Variants in TRIQK observed in about 807,000 individuals in gnomAD.
The protein encoded by TRIQK is triple QxxK/R motif containing, also known as triple QxxK/R motif-containing protein.
In TRIQK, 10 loss-of-function variants were observed where a neutral mutation model predicts 10.8. That is an observed-to-expected ratio of 0.92 (90% CI 0.57 to 1.57). The LOEUF (loss-of-function observed/expected upper bound fraction) is 1.57. Ranked by LOEUF, TRIQK falls within the 40% of genes most tolerant of loss-of-function variation. The pLI is 0.00. For missense variants in TRIQK, 107 were observed against 97.7 expected (o/e 1.09, Z -0.40); for synonymous variants, 33 against 33.7 (o/e 0.98, Z 0.07).
intron 3 of TRIQK, among the ~76,000 whole-genome samples, chr8:92,898,873 A>ATATATATATATATG (rs60191958): frequency 1.7e-5 from 2 of 120,728 alleles, no homozygotes; most frequent in Admixed American, 8.8e-5. Flanking sequence ...ATATATATAT[A>ATATATATATATATG]GATGGGGGTA....
intron 1 of TRIQK, among the ~76,000 whole-genome samples, chr8:92,995,402 C>T (rs770086686): frequency 1.9e-4 from 29 of 151,746 alleles, no homozygotes; most frequent in Admixed American, 5.9e-4. Flanking sequence ...GTTTTTATTC[C>T]CCATCTACCC....
rs558891377 is a variant in TRIQK at position 92,946,783 on chromosome 8, T to C, written c.-22+7623A>G. On this transcript the variant is annotated intron_variant, in intron 2 of 4. Coordinates refer to ENST00000521988, the MANE Select transcript of TRIQK (RefSeq NM_001171797.2). ...TTTACTTTTTTTTTTTTTTCTGAGA[T>C]GGAGTCTCGCTCTGTCGCCCAGGCT... 1.6e-3 allele frequency among the ~76,000 whole-genome samples: 242 copies of C among 150,648 alleles called. 2 individuals are homozygous for C. The highest frequency in any genetic ancestry group is 5.5e-3 in the African/African-American group (225 of 41,134).
intron 2 of TRIQK, among the ~76,000 whole-genome samples, chr8:92,946,712 T>C (rs1811550156): frequency 6.6e-6 from 1 of 151,966 alleles, no homozygotes; most frequent in Admixed American, 6.5e-5. Context: ...TATTTCTCCT[T>C]TATGTGTCAT....
intron 1 of TRIQK, among the ~76,000 whole-genome samples, chr8:93,011,254 C>T (rs1038731599): frequency 6.6e-6 from 1 of 151,146 alleles, no homozygotes; most frequent in Non-Finnish European, 1.5e-5. Flanking sequence ...CATTTAATTA[C>T]AGTACTGACT....
chr8:92,918,403 T>C (rs561361495), intron 2 of TRIQK, among the ~76,000 whole-genome samples: 4 of 152,154 alleles, frequency 2.6e-5, no homozygotes, highest in African/African-American at 9.6e-5. Context: ...TTTGCCTTTC[T>C]GATAGCAGCC....
intron 3 of TRIQK, among the ~76,000 whole-genome samples, chr8:92,912,313 C>A (rs1471900649): frequency 6.6e-6 from 1 of 151,300 alleles, no homozygotes; most frequent in Non-Finnish European, 1.5e-5. Flanking sequence ...AAACAAGGAA[C>A]CCATGAACAA....
At chr8:92,987,789 A>G (rs868327450) in intron 1 of TRIQK, among the ~76,000 whole-genome samples, 1 of 152,096 alleles carries the variant, frequency 6.6e-6, no homozygotes, top group African/African-American at 2.4e-5. Context: ...TTTTTGAAGA[A>G]TATTTAAAAA....
intron 4 of TRIQK, among the ~76,000 whole-genome samples, chr8:92,889,847 T>C (rs1256043494): frequency 2.0e-5 from 3 of 151,720 alleles, no homozygotes; most frequent in Non-Finnish European, 4.4e-5. Flanking sequence ...TAGGCCTCCT[T>C]ATCCTGAGCT....
intron 1 of TRIQK, among the ~76,000 whole-genome samples, chr8:93,005,097 T>G (rs1813254650): frequency 6.6e-6 from 1 of 152,232 alleles, no homozygotes; most frequent in Non-Finnish European, 1.5e-5. Flanking sequence ...TTTTCTGGAT[T>G]AGTCCTTTTT....
At chr8:92,973,663 T>G (rs901245487) in intron 1 of TRIQK, 2 of 152,126 alleles carry the variant, frequency 1.3e-5, no homozygotes, top group African/African-American at 4.8e-5. Flanking sequence ...AAATTTTTGG[T>G]GCAAAGTGGG....
intron 3 of TRIQK, among the ~76,000 whole-genome samples, chr8:92,913,137 T>C (rs551234738): frequency 7.9e-5 from 12 of 152,214 alleles, no homozygotes; most frequent in Admixed American, 6.5e-4. Context: ...CCCTGGGCTA[T>C]AAGGATGGTT....
At chr8:92,966,460 C>T (rs918637322), upstream of TRIQK, among the ~76,000 whole-genome samples, 3 of 152,154 alleles carry the variant, frequency 2.0e-5, no homozygotes, top group African/African-American at 4.8e-5. Flanking sequence ...TGGAAGGGCG[C>T]ACTGTCTGTG....
At chr8:92,972,402 G>A (rs62520821) in intron 1 of TRIQK, among the ~76,000 whole-genome samples, 15,388 of 151,894 alleles carry the variant, frequency 0.1, 1,833 homozygotes, top group African/African-American at 0.28. Context: ...TGCTTCTAAT[G>A]GTTCTTTAGC....
At chr8:92,916,732 G>C (rs540970814) in intron 3 of TRIQK, among the ~76,000 whole-genome samples, 197 bp downstream of exon 3, 1 of 151,812 alleles carries the variant, frequency 6.6e-6, no homozygotes, top group Non-Finnish European at 1.5e-5. Flanking sequence ...CTGAAAAATC[G>C]TAAGTACATG....
At chr8:92,985,665 C>T (rs2130746507) in intron 1 of TRIQK, among the ~76,000 whole-genome samples, 1 of 152,230 alleles carries the variant, frequency 6.6e-6, no homozygotes, top group East Asian at 1.9e-4. Flanking sequence ...GTCATAAAAC[C>T]TCTGGTAAAC....
rs902350648 is a variant in TRIQK, at chr8:92,885,387, T to A, written c.*1235A>T. 1 of 180,140 alleles carries A rather than the reference T, an allele frequency of 5.6e-6. No homozygotes were observed. Among genetic ancestry groups the A allele is most frequent in the African/African-American group, 2.4e-5 (1 of 42,040 alleles). 11.2% of individuals were successfully genotyped at this position (180,140 alleles called of 1,614,324 possible). On this transcript the variant is annotated 3_prime_UTR_variant, in exon 5 of 5. Coordinates refer to ENST00000521988, the MANE Select transcript of TRIQK (RefSeq NM_001171797.2). The stretch of plus-strand genomic sequence containing the variant: ...TTATTCTTCATAAATACAATGTATA[T>A]AATATAAAACACTTTGTGCACATGT...
At chr8:92,950,101 T>C (rs529088248) in intron 2 of TRIQK, among the ~76,000 whole-genome samples, 30 of 152,284 alleles carry the variant, frequency 2.0e-4, no homozygotes, top group African/African-American at 7.0e-4. Flanking sequence ...AAAGTATCTT[T>C]GGATAACTTT....
intron 1 of TRIQK, among the ~76,000 whole-genome samples, chr8:92,997,746 A>G (rs1321896216): frequency 1.3e-5 from 2 of 152,102 alleles, no homozygotes; most frequent in African/African-American, 2.4e-5. Flanking sequence ...GAGTGAATGA[A>G]TGAATTAATG....
intron 1 of TRIQK, among the ~76,000 whole-genome samples, chr8:92,957,198 G>A (rs1359877986): frequency 2.0e-5 from 3 of 151,782 alleles, no homozygotes; most frequent in African/African-American, 7.3e-5. Flanking sequence ...GTAAAATGGA[G>A]TAAGAGCCTT....
Sources: gnomAD v4.1 joint callset for allele counts (sites outside exome capture counted in the v4.1 genomes callset) on GRCh38, gnomAD v4.1.1 for gene constraint, MANE v1.5 for transcripts, NCBI Gene and HGNC (gene_info 2026-07-23, HGNC 2026-07-21) for gene names.